Variants in RIMKLB observed in about 807,000 individuals in gnomAD.
RIMKLB encodes the protein ribosomal modification protein rimK like family member B.
Under a neutral mutation model 32.0 loss-of-function variants are expected in RIMKLB, and 7 were observed. That is an observed-to-expected ratio of 0.22 (90% CI 0.12 to 0.41). The LOEUF (loss-of-function observed/expected upper bound fraction) is 0.41. Ranked by LOEUF, RIMKLB falls within the 10% of genes least tolerant of loss-of-function variation. RIMKLB has a pLI of 1.00. For missense variants in RIMKLB, 289 were observed against 498.7 expected, an observed-to-expected ratio of 0.58 and a Z score of 4.00; for synonymous variants, 172 against 185.1, an observed-to-expected ratio of 0.93 and a Z score of 0.57.
At chr12:8,738,913 T>A (rs1172390142) in intron 2 of RIMKLB, among the ~76,000 whole-genome samples, 2 of 152,306 alleles carry the variant, frequency 1.3e-5, no homozygotes, top group East Asian at 3.9e-4. Flanking sequence ...TCTTGGTAGT[T>A]TGTGTGTGGT....
chr12:8,780,752 T>C (rs972746158), downstream of RIMKLB: 1 of 152,208 alleles, frequency 6.6e-6, no homozygotes, highest in African/African-American at 2.4e-5. Flanking sequence ...AAGTTATCTT[T>C]AACTAAGAAT....
chr12:8,680,225 G>A (rs1272337040), upstream of RIMKLB, among the ~76,000 whole-genome samples: 2 of 152,092 alleles, frequency 1.3e-5, no homozygotes, highest in South Asian at 2.1e-4. Flanking sequence ...GCGCGATCTC[G>A]GCTCACTGCA....
chr12:8,729,958 C>T (rs1230684434), intron 2 of RIMKLB, among the ~76,000 whole-genome samples: 1 of 152,118 alleles, frequency 6.6e-6, no homozygotes, highest in Non-Finnish European at 1.5e-5. Flanking sequence ...TTTTCATGGA[C>T]CTATTGGCTA....
At chr12:8,780,694 C>CA (rs1286391300), downstream of RIMKLB, 2 of 151,974 alleles carry the variant, frequency 1.3e-5, no homozygotes, top group African/African-American at 2.4e-5. Context: ...GCAAGGGGGA[C>CA]AAAAATGGAA....
intron 1 of RIMKLB, among the ~76,000 whole-genome samples, chr12:8,688,942 C>T (rs370053526): frequency 7.0e-4 from 106 of 152,138 alleles, no homozygotes; most frequent in African/African-American, 2.5e-3. Flanking sequence ...TCAAGAGATT[C>T]TCCTGTCTCA....
At chr12:8,711,353 T>C (rs1944359750) in intron 1 of RIMKLB, among the ~76,000 whole-genome samples, 1 of 151,898 alleles carries the variant, frequency 6.6e-6, no homozygotes, top group African/African-American at 2.4e-5. Context: ...GGGCTATGAT[T>C]GCACCACTGC....
intron 5 of RIMKLB, among the ~76,000 whole-genome samples, chr12:8,759,487 A>G (rs1203372347): frequency 6.6e-6 from 1 of 152,178 alleles, no homozygotes. Flanking sequence ...ATTAATTGCT[A>G]TCTTATGGCT....
chr12:8,731,415 AG>A (rs1057363454), intron 2 of RIMKLB, among the ~76,000 whole-genome samples: 4 of 151,032 alleles, frequency 2.6e-5, no homozygotes, highest in Non-Finnish European at 4.4e-5. Context: ...ACTGTTTTTC[AG>A]AGGTTCAGTA....
rs751329033 is a variant in RIMKLB, at chr12:8,777,102, ATTTG to A, written c.*3329_*3332del. On this transcript the variant is annotated 3_prime_UTR_variant, in exon 6 of 6. Coordinates refer to ENST00000535829, the MANE Select transcript of RIMKLB (RefSeq NM_001297776.2). ...GGTAACCACTGCTGCTACTGTTTTT[ATTTG>A]TTTGTTTGTTCAATTTTATTTAAGA... 83 of 981,666 alleles carry A rather than the reference ATTTG, an allele frequency of 8.5e-5. 1 individual carries two copies. The South Asian group carries it at 1.3e-3, about 15-fold the overall frequency. 60.8% of individuals were successfully genotyped at this position (981,666 alleles called of 1,614,324 possible).
chr12:8,690,694 G>A (rs1364294363), intron 1 of RIMKLB, among the ~76,000 whole-genome samples: 1 of 152,222 alleles, frequency 6.6e-6, no homozygotes, highest in African/African-American at 2.4e-5. Context: ...GAAGGCCAAT[G>A]CAGGTGGATC....
At chr12:8,740,377 C>T (rs891462101) in intron 2 of RIMKLB, among the ~76,000 whole-genome samples, 5 of 152,190 alleles carry the variant, frequency 3.3e-5, no homozygotes, top group Non-Finnish European at 4.4e-5. Context: ...TTTTGGAGAA[C>T]AGGTGGTGTT....
chr12:8,745,736 C>T (rs530859052), intron 2 of RIMKLB, among the ~76,000 whole-genome samples: 10 of 146,698 alleles, frequency 6.8e-5, no homozygotes, highest in Non-Finnish European at 1.3e-4. Flanking sequence ...ACTCTGTCGC[C>T]GAGGCTGGAG....
upstream of RIMKLB, among the ~76,000 whole-genome samples, chr12:8,695,180 C>T (rs900501408): frequency 1.2e-4 from 17 of 146,420 alleles, no homozygotes; most frequent in South Asian, 1.5e-3. Context: ...ATTCAATTGC[C>T]GCACCGCCCC....
chr12:8,778,058 T>C (rs1478158673), downstream of RIMKLB, among the ~76,000 whole-genome samples: 1 of 152,216 alleles, frequency 6.6e-6, no homozygotes, highest in Non-Finnish European at 1.5e-5. Context: ...CATATATGTC[T>C]ATAATTAAGT....
chr12:8,685,212 T>C (rs141804651), intron 1 of RIMKLB, among the ~76,000 whole-genome samples: 232 of 152,386 alleles, frequency 1.5e-3, no homozygotes, highest in African/African-American at 5.3e-3. Flanking sequence ...CTTGGTCCTT[T>C]GTCTTAGTGG....
chr12:8,685,713 C>G (rs544590693), intron 1 of RIMKLB, among the ~76,000 whole-genome samples: 32 of 152,032 alleles, frequency 2.1e-4, no homozygotes, highest in Non-Finnish European at 4.4e-4. Context: ...GGCGAAATCT[C>G]GGCTCACTGC....
rs1332658027 is a variant in RIMKLB at position 8,774,936 on chromosome 12, C to CA, written c.*1157dup. 2.0e-6 allele frequency: 2 copies of CA among 985,530 alleles called. No individual in the cohort carries two copies. The highest frequency in any genetic ancestry group is 3.5e-5 in the African/African-American group (2 of 57,164). 61.0% of individuals were successfully genotyped at this position (985,530 alleles called of 1,614,324 possible). ...TTGCTTTTTGTTTCCATCAACTAAT[C>CA]AAAAAGGATAATTTAGAAAATGGAG... is the stretch of plus-strand genomic sequence containing the variant. On this transcript the variant is annotated 3_prime_UTR_variant, in exon 6 of 6. Transcript: ENST00000535829.
At chr12:8,680,451 G>T (rs1036408475), upstream of RIMKLB, among the ~76,000 whole-genome samples, 1 of 152,192 alleles carries the variant, frequency 6.6e-6, no homozygotes, top group African/African-American at 2.4e-5. Flanking sequence ...GAGCCACCGC[G>T]CCCAGCCAGC....
intron 1 of RIMKLB, among the ~76,000 whole-genome samples, chr12:8,688,738 A>G (rs1012489839): frequency 6.6e-6 from 1 of 152,248 alleles, no homozygotes; most frequent in Non-Finnish European, 1.5e-5. Flanking sequence ...GCTGTTGAGC[A>G]TAATGAAAGT....
Sources: gnomAD v4.1 joint callset for allele counts (sites outside exome capture counted in the v4.1 genomes callset) on GRCh38, gnomAD v4.1.1 for gene constraint, MANE v1.5 for transcripts, NCBI Gene and HGNC (gene_info 2026-07-23, HGNC 2026-07-21) for gene names.